Variants in BMPR1A observed in about 807,000 individuals in gnomAD.
BMPR1A encodes the protein bone morphogenetic protein receptor type-1A.
Under a neutral mutation model 66.0 loss-of-function variants are expected in BMPR1A, and 7 were observed. The observed-to-expected ratio is 0.11, with a 90% CI of 0.06 to 0.20. BMPR1A has a LOEUF of 0.20. BMPR1A is among the 10% of genes least tolerant of loss of function. BMPR1A has a pLI of 1.00. For missense variants in BMPR1A, 408 were observed against 669.1 expected (o/e 0.61, Z 4.31); for synonymous variants, 200 against 229.7 (o/e 0.87, Z 1.17).
At chr10:86,780,943 T>G (rs1223734424) in intron 1 of BMPR1A, among the ~76,000 whole-genome samples, 1 of 152,140 alleles carries the variant, frequency 6.6e-6, no homozygotes, top group Non-Finnish European at 1.5e-5. Context: ...TCAAGCTACT[T>G]GGGCTCAAGC....
chr10:86,765,568 G>A (rs1019257530), intron 1 of BMPR1A, among the ~76,000 whole-genome samples: 1 of 149,906 alleles, frequency 6.7e-6, no homozygotes, highest in African/African-American at 2.5e-5. Flanking sequence ...TTGGCTCTTT[G>A]CTGCATCATT....
rs554533649 is a variant in BMPR1A, at chr10:86,895,473, G to A, written c.333+3244G>A. Among the ~76,000 whole-genome samples the A allele has an allele frequency of 1.7e-4, 26 of 152,124 alleles. 1 individual carries two copies. Among genetic ancestry groups the A allele is most frequent in the Admixed American group, 1.5e-3 (23 of 15,274 alleles). On this transcript the variant is annotated intron_variant, in intron 5 of 12. Transcript: ENST00000372037. ...GAATTGCTTGAACACAGGAGGTGGA[G>A]GTTGCAGTGAGCCAAAATCATGCCA... is the stretch of plus-strand genomic sequence containing the variant.
chr10:86,878,614 A>G (rs2133335635), intron 3 of BMPR1A, among the ~76,000 whole-genome samples: 1 of 152,304 alleles, frequency 6.6e-6, no homozygotes, highest in Admixed American at 6.5e-5. Flanking sequence ...TTTTCTTGAC[A>G]TTTCCCTTGT....
intron 5 of BMPR1A, among the ~76,000 whole-genome samples, chr10:86,893,022 T>C (rs929670765): frequency 3.3e-5 from 5 of 152,094 alleles, no homozygotes; most frequent in African/African-American, 1.2e-4. Context: ...AGTAATATGA[T>C]TATGGTAATT....
At chr10:86,865,418 A>G (rs1419303881) in intron 2 of BMPR1A, among the ~76,000 whole-genome samples, 2 of 152,118 alleles carry the variant, frequency 1.3e-5, no homozygotes, top group Non-Finnish European at 1.5e-5. Flanking sequence ...TCTGCCCGCC[A>G]GAGAACAACT....
intron 1 of BMPR1A, among the ~76,000 whole-genome samples, chr10:86,786,317 C>T (rs1217435109): frequency 6.6e-6 from 1 of 152,160 alleles, no homozygotes; most frequent in Non-Finnish European, 1.5e-5. Flanking sequence ...CACCCCGACC[C>T]CTTTTTTCCC....
At chr10:86,906,393 A>T (rs1361675504) in intron 7 of BMPR1A, among the ~76,000 whole-genome samples, 2 of 151,972 alleles carry the variant, frequency 1.3e-5, no homozygotes, top group Non-Finnish European at 2.9e-5. Context: ...TTTCATTATT[A>T]TTGCAAAATT....
At chr10:86,802,079 G>A (rs1383987951) in intron 1 of BMPR1A, among the ~76,000 whole-genome samples, 4 of 151,992 alleles carry the variant, frequency 2.6e-5, no homozygotes, top group Non-Finnish European at 5.9e-5. Context: ...TGTCTGCGTC[G>A]TTGAGGGCCT....
intron 3 of BMPR1A, among the ~76,000 whole-genome samples, chr10:86,880,335 G>A (rs1392647485): frequency 6.6e-6 from 1 of 152,180 alleles, no homozygotes; most frequent in Admixed American, 6.5e-5. Context: ...TCCGCTCTGA[G>A]GCACTCTGCT....
chr10:86,768,116 T>C (rs1448745470), intron 1 of BMPR1A, among the ~76,000 whole-genome samples: 1 of 152,272 alleles, frequency 6.6e-6, no homozygotes, highest in Non-Finnish European at 1.5e-5. Flanking sequence ...ATGTGTTCTT[T>C]GTCAGTTTAA....
chr10:86,903,198 T>C (rs140269750), intron 7 of BMPR1A, among the ~76,000 whole-genome samples: 1 of 152,292 alleles, frequency 6.6e-6, no homozygotes, highest in African/African-American at 2.4e-5. Flanking sequence ...TATATAAATA[T>C]GGTCCATAAT....
chr10:86,847,032 T>G (rs934265330), intron 2 of BMPR1A, among the ~76,000 whole-genome samples: 1 of 152,140 alleles, frequency 6.6e-6, no homozygotes, highest in African/African-American at 2.4e-5. Context: ...TTTTTGTATT[T>G]TTAGTAGAGA....
chr10:86,762,028 G>A, intron 1 of BMPR1A, among the ~76,000 whole-genome samples: 1 of 152,182 alleles, frequency 6.6e-6, no homozygotes, highest in Non-Finnish European at 1.5e-5. Context: ...TCCAACAGTG[G>A]GAATTGGGTG....
intron 5 of BMPR1A, among the ~76,000 whole-genome samples, chr10:86,893,501 G>A (rs1389221882): frequency 6.6e-6 from 1 of 152,180 alleles, no homozygotes; most frequent in African/African-American, 2.4e-5. Context: ...GAAATTCTCA[G>A]GATGGAGGCC....
At chr10:86,891,982 C>T (rs560251165) in intron 4 of BMPR1A, 145 bp from the exon 5 acceptor site, 1 of 678,276 alleles carries the variant, frequency 1.5e-6, no homozygotes, top group African/African-American at 1.8e-5. Context: ...TCTGGCGTTG[C>T]CAATAAATCA....
chr10:86,762,469 C>A (rs1209131509), intron 1 of BMPR1A, among the ~76,000 whole-genome samples: 3 of 151,908 alleles, frequency 2.0e-5, no homozygotes, highest in Non-Finnish European at 2.9e-5. Context: ...AGTGATTATC[C>A]TGGCTCAGCT....
intron 7 of BMPR1A, among the ~76,000 whole-genome samples, chr10:86,906,831 G>T (rs1589285987): frequency 6.7e-6 from 1 of 149,574 alleles, no homozygotes; most frequent in East Asian, 2.0e-4. Context: ...ATTATTTGGT[G>T]TTGTGCCACA....
In BMPR1A at chr10:86,923,524, C is replaced by T. The variant is rs764229448; in HGVS notation, c.1473+18C>T. 4.3e-6 allele frequency: 7 copies of T among 1,614,042 alleles called. No homozygotes were observed. Among genetic ancestry groups the T allele is most frequent in the Non-Finnish European group, 5.9e-6 (7 of 1,180,032 alleles). ...GTGATGAAGTGAGTGGAACTCAGTC[C>T]CCTGAAGAAGTGATTCGTAAATGCC... On this transcript the variant is annotated intron_variant, in intron 12 of 12. Transcript: ENST00000372037.
chr10:86,905,155 A>G (rs569438782), intron 7 of BMPR1A, among the ~76,000 whole-genome samples: 47 of 152,184 alleles, frequency 3.1e-4, no homozygotes, highest in African/African-American at 5.3e-4. Flanking sequence ...TACGTCTGCA[A>G]TTTATTCTTC....
Sources: allele counts gnomAD v4.1 joint callset (sites outside exome capture counted in the v4.1 genomes callset), GRCh38; gene constraint gnomAD v4.1.1; transcripts MANE v1.5; gene names NCBI Gene and HGNC (gene_info 2026-07-23, HGNC 2026-07-21).